Variants in RUNDC3B observed in about 807,000 individuals in gnomAD.
RUNDC3B encodes RUN domain-containing protein 3B.
In RUNDC3B, 33 loss-of-function variants were observed where a neutral mutation model predicts 58.4. That is an observed-to-expected ratio of 0.56 (90% confidence interval 0.43 to 0.75). RUNDC3B has a LOEUF of 0.75. Among genes scored for constraint, RUNDC3B ranks in the 30% least tolerant of loss-of-function variants. The pLI is 0.00. For synonymous variants in RUNDC3B, 193 were observed against 195.2 expected (o/e 0.99, Z 0.10); for missense variants, 501 against 535.7 (o/e 0.94, Z 0.64).
chr7:87,691,960 G>A (rs1196205407), intron 2 of RUNDC3B, among the ~76,000 whole-genome samples: 1 of 152,102 alleles, frequency 6.6e-6, no homozygotes, highest in Non-Finnish European at 1.5e-5. Flanking sequence ...GGAATATAGT[G>A]GATTGTTGTT....
chr7:87,753,511 G>A (rs1251305276), intron 6 of RUNDC3B, among the ~76,000 whole-genome samples: 1 of 152,156 alleles, frequency 6.6e-6, no homozygotes, highest in Non-Finnish European at 1.5e-5. Flanking sequence ...GGGAGTCTAA[G>A]TCTCTTTGTA....
At chr7:87,732,858 T>G (rs2130796868) in intron 4 of RUNDC3B, among the ~76,000 whole-genome samples, 1 of 152,300 alleles carries the variant, frequency 6.6e-6, no homozygotes, top group Admixed American at 6.5e-5. Context: ...TATACAGAGA[T>G]AAGAATTTAC....
At chr7:87,792,866 A>T (rs192727797) in intron 8 of RUNDC3B, among the ~76,000 whole-genome samples, 1 of 152,220 alleles carries the variant, frequency 6.6e-6, no homozygotes, top group Admixed American at 6.5e-5. Flanking sequence ...AATAAATGAA[A>T]TTGAAATGAA....
chr7:87,793,990 G>A (rs1287660309), intron 8 of RUNDC3B, among the ~76,000 whole-genome samples: 1 of 152,072 alleles, frequency 6.6e-6, no homozygotes, highest in Non-Finnish European at 1.5e-5. Flanking sequence ...TAAAGTTGCA[G>A]GATACAAAAT....
chr7:87,763,245 C>T (rs1027741980), intron 6 of RUNDC3B, among the ~76,000 whole-genome samples: 1 of 151,466 alleles, frequency 6.6e-6, no homozygotes. Flanking sequence ...TTTTGATGTC[C>T]CGAATTTTAC....
rs1262881823 is a variant in RUNDC3B, at chr7:87,679,767, C to T, written c.239-20654C>T. On this transcript the variant is annotated intron_variant, in intron 2 of 10. Transcript: ENST00000394654. Reference sequence around the variant, plus strand: ...ATATTCTTTTCGAGGGCAAGTGGAACATTAAAAAAGATCTTATTCTGAGCC... The same window carrying T: ...ATATTCTTTTCGAGGGCAAGTGGAATATTAAAAAAGATCTTATTCTGAGCC... Among the ~76,000 whole-genome samples the T allele has an allele frequency of 2.0e-5, 3 of 149,900 alleles. No individual in the cohort carries two copies. In the East Asian group the frequency reaches 5.9e-4, roughly 30 times the overall value.
chr7:87,712,695 C>G (rs28381718), intron 4 of RUNDC3B, among the ~76,000 whole-genome samples: 4,516 of 152,008 alleles, frequency 0.03, 64 homozygotes, highest in Middle Eastern at 0.045. Flanking sequence ...GTTAACCATG[C>G]TTTTTCATAG....
intron 4 of RUNDC3B, among the ~76,000 whole-genome samples, chr7:87,714,000 A>G (rs1324894561): frequency 1.3e-5 from 2 of 152,226 alleles, no homozygotes; most frequent in Non-Finnish European, 2.9e-5. Context: ...TGAAGGAAGG[A>G]GTAAAGTATA....
intron 1 of RUNDC3B, among the ~76,000 whole-genome samples, chr7:87,648,489 A>G (rs1187096191): frequency 6.6e-6 from 1 of 152,082 alleles, no homozygotes; most frequent in Non-Finnish European, 1.5e-5. Context: ...AAAGGAAAAC[A>G]TATTGGAAGC....
intron 6 of RUNDC3B, among the ~76,000 whole-genome samples, chr7:87,754,938 C>G (rs537965634): frequency 9.8e-4 from 123 of 125,062 alleles, no homozygotes; most frequent in Middle Eastern, 8.5e-3. Flanking sequence ...AAATAGCTTA[C>G]CAACCAAAAA....
Position 87,723,511 on chromosome 7 carries a change from G to C in RUNDC3B, c.458+12856G>C, listed in dbSNP as rs1280556382. Among the ~76,000 whole-genome samples the C allele has an allele frequency of 4.6e-5, 7 of 152,116 alleles. 1 individual carries two copies. In the East Asian group the frequency reaches 1.3e-3, roughly 29 times the overall value. On this transcript the variant is annotated intron_variant, in intron 4 of 10. Transcript: ENST00000394654. ...GTCCAATGCAATGCAAATGTTCACA[G>C]CCTACAGAAAAATACCAATCCATCA...
intron 8 of RUNDC3B, among the ~76,000 whole-genome samples, chr7:87,801,392 T>G (rs575072928): frequency 6.6e-6 from 1 of 152,288 alleles, no homozygotes; most frequent in South Asian, 2.1e-4. Context: ...AGCAAATCGT[T>G]TTTCTGGGAA....
chr7:87,729,565 G>A (rs1433365257), intron 4 of RUNDC3B, among the ~76,000 whole-genome samples: 1 of 152,184 alleles, frequency 6.6e-6, no homozygotes. Flanking sequence ...CATTTCAGTG[G>A]TAGGAGCCTG....
intron 8 of RUNDC3B, among the ~76,000 whole-genome samples, chr7:87,792,261 T>G (rs1000327506): frequency 6.6e-6 from 1 of 152,098 alleles, no homozygotes; most frequent in African/African-American, 2.4e-5. Context: ...AATACAATAA[T>G]AGCTGGAGAC....
chr7:87,686,358 C>T (rs373327809), intron 2 of RUNDC3B, among the ~76,000 whole-genome samples: 34 of 152,204 alleles, frequency 2.2e-4, no homozygotes, highest in South Asian at 4.1e-4. Flanking sequence ...AGTATATTAA[C>T]GAGCATGGTG....
At chr7:87,797,891 G>A (rs1386259338) in intron 8 of RUNDC3B, among the ~76,000 whole-genome samples, 3 of 152,172 alleles carry the variant, frequency 2.0e-5, no homozygotes, top group African/African-American at 7.2e-5. Context: ...AAGGGATGAT[G>A]TCAATGTAGC....
chr7:87,633,093 A>G (rs1821391734), intron 1 of RUNDC3B, among the ~76,000 whole-genome samples: 1 of 152,208 alleles, frequency 6.6e-6, no homozygotes, highest in African/African-American at 2.4e-5. Flanking sequence ...ATTATTTCAA[A>G]TTACATTAGC....
chr7:87,656,725 A>G (rs1824141274), intron 2 of RUNDC3B, among the ~76,000 whole-genome samples: 1 of 152,160 alleles, frequency 6.6e-6, no homozygotes, highest in Non-Finnish European at 1.5e-5. Flanking sequence ...GAGGAAAATC[A>G]ATTGATTTGT....
chr7:87,719,290 CTT>C (rs1382871071), intron 4 of RUNDC3B, among the ~76,000 whole-genome samples: 1 of 151,906 alleles, frequency 6.6e-6, no homozygotes, highest in Non-Finnish European at 1.5e-5. Flanking sequence ...GGTGCTTAAA[CTT>C]TATAGAATAC....
Sources: allele counts gnomAD v4.1 joint callset (sites outside exome capture counted in the v4.1 genomes callset), GRCh38; gene constraint gnomAD v4.1.1; transcripts MANE v1.5; gene names NCBI Gene and HGNC (gene_info 2026-07-23, HGNC 2026-07-21).